The following DDX10 variants were observed in gnomAD, a reference collection of about 807,000 sequenced individuals.
The protein encoded by DDX10 is DEAD-box helicase 10, also known as probable ATP-dependent RNA helicase DDX10.
Under a neutral mutation model 104.3 loss-of-function variants are expected in DDX10, and 74 were observed. The observed-to-expected ratio is 0.71, with a 90% CI of 0.59 to 0.86. The LOEUF is 0.86. Ranked by LOEUF, DDX10 falls within the 40% of genes least tolerant of loss-of-function variation. The pLI, the probability that DDX10 is intolerant of heterozygous loss-of-function variation, is 0.00. For synonymous variants in DDX10, 351 were observed against 353.4 expected, an observed-to-expected ratio of 0.99 and a Z score of 0.08; for missense variants, 952 against 1,040.0, an observed-to-expected ratio of 0.92 and a Z score of 1.16.
intron 12 of DDX10, 101 bp downstream of exon 12, chr11:108,719,986 T>C: frequency 1.3e-6 from 1 of 770,970 alleles, no homozygotes; most frequent in Non-Finnish European, 2.2e-6. Flanking sequence ...CCAGGCTGTC[T>C]CAAACCCCTG....
chr11:108,918,376 AG>A (rs1863780668), intron 17 of DDX10: 1 of 274,632 alleles, frequency 3.6e-6, no homozygotes, highest in South Asian at 1.6e-4. Context: ...AAACAGAGTT[AG>A]GGTTTTATTT....
chr11:108,858,984 G>T (rs994688336), intron 16 of DDX10, among the ~76,000 whole-genome samples: 2 of 152,182 alleles, frequency 1.3e-5, no homozygotes, highest in East Asian at 1.9e-4. Flanking sequence ...CAAAAAAGTG[G>T]ATCCTGCTAA....
chr11:108,885,357 CTTT>C (rs5794610), intron 16 of DDX10, among the ~76,000 whole-genome samples: 14 of 103,096 alleles, frequency 1.4e-4, no homozygotes, highest in Non-Finnish European at 1.6e-4. Context: ...TTCATTGTCA[CTTT>C]TTTTTTTTTT....
In DDX10 at chr11:108,823,546, G is replaced by T. The variant is rs528899698; in HGVS notation, c.1966-14900G>T. On this transcript the variant is annotated intron_variant, in intron 13 of 17. Transcript: ENST00000322536. Reference sequence around the variant, plus strand: ...AAAATGGTACAAAAAATGGTAACCAGGTACCAAACCCAGTTTGAATTTAGC... The same window carrying T: ...AAAATGGTACAAAAAATGGTAACCATGTACCAAACCCAGTTTGAATTTAGC... Among the ~76,000 whole-genome samples the T allele has an allele frequency of 2.0e-5, 3 of 152,276 alleles. No homozygotes were observed. The East Asian group carries it at 5.8e-4, about 29-fold the overall frequency.
chr11:108,791,476 G>A (rs1861870361), intron 13 of DDX10, among the ~76,000 whole-genome samples: 1 of 152,190 alleles, frequency 6.6e-6, no homozygotes, highest in Non-Finnish European at 1.5e-5. Flanking sequence ...TATAAGGTAT[G>A]TATAATACAT....
intron 11 of DDX10, among the ~76,000 whole-genome samples, chr11:108,716,292 G>T (rs968225730): frequency 1.3e-5 from 2 of 152,022 alleles, no homozygotes; most frequent in Non-Finnish European, 2.9e-5. Flanking sequence ...TAGAGACAGG[G>T]TTTTCTCCAT....
intron 17 of DDX10, among the ~76,000 whole-genome samples, chr11:108,928,514 A>G (rs555250646): frequency 6.6e-6 from 1 of 152,278 alleles, no homozygotes; most frequent in Admixed American, 6.5e-5. Flanking sequence ...GCAACAGGGA[A>G]AGTAGTTTTG....
chr11:108,749,446 T>G (rs1291082176), intron 13 of DDX10, among the ~76,000 whole-genome samples: 1 of 152,166 alleles, frequency 6.6e-6, no homozygotes, highest in African/African-American at 2.4e-5. Flanking sequence ...AGGTCTAAAT[T>G]TAAAGTTCTT....
At chr11:108,851,390 T>C (rs1415650392) in intron 15 of DDX10, among the ~76,000 whole-genome samples, 3 of 152,196 alleles carry the variant, frequency 2.0e-5, no homozygotes, top group Non-Finnish European at 4.4e-5. Context: ...AATCAGTAAT[T>C]GGTGCCAACT....
At chr11:108,798,554 G>A (rs906275361) in intron 13 of DDX10, among the ~76,000 whole-genome samples, 4 of 152,162 alleles carry the variant, frequency 2.6e-5, no homozygotes, top group African/African-American at 9.7e-5. Flanking sequence ...TACAGTATTT[G>A]TCTTTTTGTG....
intron 13 of DDX10, among the ~76,000 whole-genome samples, chr11:108,823,126 A>T (rs1227799298): frequency 6.6e-6 from 1 of 152,164 alleles, no homozygotes; most frequent in Non-Finnish European, 1.5e-5. Flanking sequence ...GTGTTTTTTT[A>T]AAATCACCAC....
At chr11:108,744,030 G>C (rs1000120932) in intron 13 of DDX10, among the ~76,000 whole-genome samples, 1 of 152,116 alleles carries the variant, frequency 6.6e-6, no homozygotes, top group Admixed American at 6.5e-5. Flanking sequence ...TCACATCTGT[G>C]CTGGGTTTAT....
chr11:108,719,374 C>G (rs2094295491), intron 11 of DDX10, among the ~76,000 whole-genome samples: 2 of 152,090 alleles, frequency 1.3e-5, no homozygotes, highest in African/African-American at 4.8e-5. Context: ...TCATAACACT[C>G]TAAGTAGAAG....
chr11:108,718,648 A>G (rs911146275), intron 11 of DDX10, among the ~76,000 whole-genome samples: 2 of 152,198 alleles, frequency 1.3e-5, no homozygotes, highest in African/African-American at 4.8e-5. Context: ...GATTATAGAA[A>G]AGTGTGTTGA....
chr11:108,891,498 C>T (rs1215456067), intron 16 of DDX10, among the ~76,000 whole-genome samples: 1 of 152,168 alleles, frequency 6.6e-6, no homozygotes, highest in African/African-American at 2.4e-5. Flanking sequence ...TAGAACTTTC[C>T]ATCGTGGACC....
At chr11:108,712,380 C>T (rs1014786216) in intron 10 of DDX10, among the ~76,000 whole-genome samples, 36 of 151,794 alleles carry the variant, frequency 2.4e-4, no homozygotes, top group Admixed American at 2.4e-3. Context: ...TTACTTTTGT[C>T]TCCTCTCTTT....
chr11:108,930,932 C>T (rs1405667433), intron 17 of DDX10, among the ~76,000 whole-genome samples: 1 of 152,154 alleles, frequency 6.6e-6, no homozygotes, highest in East Asian at 1.9e-4. Context: ...TAATAATATA[C>T]TTAATTTTAA....
At chr11:108,821,833 T>C (rs1799710545) in intron 13 of DDX10, among the ~76,000 whole-genome samples, 1 of 152,226 alleles carries the variant, frequency 6.6e-6, no homozygotes, top group Non-Finnish European at 1.5e-5. Context: ...AAAAGGAATC[T>C]AATTAGATTG....
intron 13 of DDX10, among the ~76,000 whole-genome samples, chr11:108,737,225 A>G (rs990863030): frequency 3.3e-5 from 5 of 152,206 alleles, no homozygotes; most frequent in African/African-American, 1.2e-4. Flanking sequence ...TAATAAACCA[A>G]ATTTTTAAAA....
Sources: gnomAD v4.1 joint callset for allele counts (sites outside exome capture counted in the v4.1 genomes callset) on GRCh38, gnomAD v4.1.1 for gene constraint, MANE v1.5 for transcripts, NCBI Gene and HGNC (gene_info 2026-07-23, HGNC 2026-07-21) for gene names.